PDE10A: variants seen among roughly 807,000 people sequenced by gnomAD.
The protein encoded by PDE10A is phosphodiesterase 10A.
A neutral mutation model predicts 97.7 loss-of-function variants in PDE10A; 39 were observed. The observed-to-expected ratio is 0.40, with a 90% CI of 0.31 to 0.52. The LOEUF is 0.52. Among genes scored for constraint, PDE10A ranks in the 20% least tolerant of loss-of-function variants. The pLI, the probability that PDE10A is intolerant of heterozygous loss-of-function variation, is 0.56. For missense variants in PDE10A, 731 were observed against 1,047.8 expected (o/e 0.70, Z 4.17); for synonymous variants, 371 against 376.8 (o/e 0.98, Z 0.18).
At chr6:165,456,241 G>A (rs931678512) in intron 3 of PDE10A, among the ~76,000 whole-genome samples, 2 of 152,178 alleles carry the variant, frequency 1.3e-5, no homozygotes, top group African/African-American at 4.8e-5. Flanking sequence ...AAACAATAGT[G>A]AGAGACCTAA....
At chr6:165,974,522 A>G (rs1252387424) in intron 1 of PDE10A, among the ~76,000 whole-genome samples, 1 of 152,246 alleles carries the variant, frequency 6.6e-6, no homozygotes, top group Non-Finnish European at 1.5e-5. Flanking sequence ...ACACAAAGAC[A>G]TAGTGGAGAA....
intron 3 of PDE10A, among the ~76,000 whole-genome samples, chr6:165,459,600 A>T (rs2128257284): frequency 6.6e-6 from 1 of 151,924 alleles, no homozygotes; most frequent in South Asian, 2.1e-4. Context: ...TATATAATAT[A>T]GATAATGATT....
intron 1 of PDE10A, among the ~76,000 whole-genome samples, chr6:165,906,390 C>T (rs1460192818): frequency 1.3e-5 from 2 of 151,846 alleles, no homozygotes; most frequent in African/African-American, 4.8e-5. Context: ...GGGACCTGTC[C>T]TAGGATCCAC....
intron 13 of PDE10A, among the ~76,000 whole-genome samples, chr6:165,410,028 T>C (rs1478469016): frequency 6.6e-6 from 1 of 152,080 alleles, no homozygotes; most frequent in Non-Finnish European, 1.5e-5. Flanking sequence ...CAACAATATT[T>C]CAAGGGATAC....
chr6:165,588,592 G>A (rs2128381911), intron 1 of PDE10A, among the ~76,000 whole-genome samples: 1 of 152,140 alleles, frequency 6.6e-6, no homozygotes, highest in Middle Eastern at 3.4e-3. Context: ...CCAGCCTAAA[G>A]TTAGCTTTAT....
chr6:165,908,036 G>A (rs1384008088), intron 1 of PDE10A, among the ~76,000 whole-genome samples: 1 of 152,264 alleles, frequency 6.6e-6, no homozygotes, highest in Non-Finnish European at 1.5e-5. Context: ...GTCAGGAACT[G>A]AGGAATATGT....
chr6:165,418,489 T>C lies in PDE10A; in HGVS notation c.1796+146A>G, dbSNP rs1290584031. On this transcript the variant is annotated intron_variant, in intron 11 of 21. Coordinates refer to ENST00000539869, the MANE Select transcript of PDE10A (RefSeq NM_001385079.1). This position sits in a 1 kb window ranked among gnomAD's most constrained non-coding sequence, Gnocchi z 4.8. ...CCTGCAATGTCATTCCCAGAAGTACTACCTTCAGGAGGCGGGTCCTGGTGG... is the reference window on the plus strand; with the variant it reads ...CCTGCAATGTCATTCCCAGAAGTACCACCTTCAGGAGGCGGGTCCTGGTGG... 1.4e-6 allele frequency: 1 copy of C among 691,374 alleles called. No individual in the cohort carries two copies. The highest frequency in any genetic ancestry group is 2.4e-6 in the Non-Finnish European group (1 of 423,422). 42.8% of individuals were successfully genotyped at this position (691,374 alleles called of 1,614,324 possible).
rs184804229 is a variant in PDE10A, at chr6:165,710,730, C to T, written c.-614-167162G>A. ...CCTTGCTTGTGAGTAAGGGTGTTAC[C>T]GTCATTGTAATGTTAAATGACTAAT... On this transcript the variant is annotated intron_variant, in intron 1 of 19. Coordinates refer to the PDE10A transcript ENST00000366882. Among the ~76,000 whole-genome samples, 136 of 152,154 alleles carry T rather than the reference C, an allele frequency of 8.9e-4. 1 individual carries two copies. Among genetic ancestry groups the T allele is most frequent in the Non-Finnish European group, 1.5e-3 (99 of 68,016 alleles).
At chr6:165,470,526 C>T (rs1309232169) in intron 3 of PDE10A, among the ~76,000 whole-genome samples, 1 of 152,160 alleles carries the variant, frequency 6.6e-6, no homozygotes, top group Non-Finnish European at 1.5e-5. Context: ...TTGGTTTATA[C>T]TTCACCTGAT....
intron 1 of PDE10A, among the ~76,000 whole-genome samples, chr6:165,673,901 A>G (rs1204731253): frequency 6.6e-6 from 1 of 152,236 alleles, no homozygotes; most frequent in Non-Finnish European, 1.5e-5. Flanking sequence ...AATAATAAAG[A>G]ATATTATCAG....
chr6:165,751,674 C>T (rs3008009), intron 1 of PDE10A, among the ~76,000 whole-genome samples: 1,852 of 152,232 alleles, frequency 0.012, 34 homozygotes, highest in African/African-American at 0.043. Flanking sequence ...ACGATAAAAG[C>T]GATCCCTCGC....
intron 1 of PDE10A, among the ~76,000 whole-genome samples, chr6:165,846,946 A>G (rs188187106): frequency 6.6e-6 from 1 of 152,302 alleles, no homozygotes; most frequent in East Asian, 1.9e-4. Context: ...AGATTTTCCA[A>G]CTAGGTACAG....
intron 21 of PDE10A, among the ~76,000 whole-genome samples, chr6:165,334,025 A>G (rs1562356292): frequency 6.6e-6 from 1 of 152,282 alleles, no homozygotes; most frequent in Non-Finnish European, 1.5e-5. Flanking sequence ...AACTTTTGTA[A>G]CATATCATCA....
intron 1 of PDE10A, among the ~76,000 whole-genome samples, chr6:165,883,688 G>T (rs562535396): frequency 6.6e-5 from 10 of 152,152 alleles, no homozygotes; most frequent in African/African-American, 2.4e-4. Context: ...TGGCAGAGGC[G>T]GGCTTGCTGG....
Position 165,960,664 on chromosome 6 carries a change from G to A in PDE10A, c.-615+26865C>T, listed in dbSNP as rs184149673. Among the ~76,000 whole-genome samples, 111 of 152,320 alleles carry A rather than the reference G, an allele frequency of 7.3e-4. No individual in the cohort carries two copies. In the Middle Eastern group the frequency reaches 0.01, roughly 14 times the overall value. Reference sequence around the variant, plus strand: ...GTCAGCAGTTAGCGCAGATCTGTACGGCAAGGGACGTGAGTTAGTAACTTG... The same window carrying A: ...GTCAGCAGTTAGCGCAGATCTGTACAGCAAGGGACGTGAGTTAGTAACTTG... On this transcript the variant is annotated intron_variant, in intron 1 of 19. Coordinates refer to the PDE10A transcript ENST00000366882.
chr6:165,374,844 T>G (rs568514587), intron 18 of PDE10A, among the ~76,000 whole-genome samples: 5 of 152,212 alleles, frequency 3.3e-5, no homozygotes, highest in Admixed American at 3.3e-4. Context: ...GTGCTTACTT[T>G]GATTCTCTGT....
intron 2 of PDE10A, among the ~76,000 whole-genome samples, chr6:165,512,734 G>T (rs67220870): frequency 0.24 from 35,746 of 151,878 alleles, 4,792 homozygotes; most frequent in African/African-American, 0.38. Flanking sequence ...TGTATGTTAA[G>T]TATAACCTTT....
chr6:165,569,836 G>T (rs902613701), intron 1 of PDE10A, among the ~76,000 whole-genome samples: 2 of 152,110 alleles, frequency 1.3e-5, no homozygotes, highest in African/African-American at 4.8e-5. Context: ...TATGTTCTTT[G>T]CTGTTAAGAG....
Position 165,398,633 on chromosome 6 carries a change from A to G in PDE10A, c.2077-2174T>C, listed in dbSNP as rs139807371. On this transcript the variant is annotated intron_variant, in intron 13 of 21. Coordinates refer to ENST00000539869, the MANE Select transcript of PDE10A (RefSeq NM_001385079.1). ...TTATGTCAATCAGTTGACCCTGCAA[A>G]CTAATCAGCCACATTTTTATATATT... Among the ~76,000 whole-genome samples the G allele has an allele frequency of 1.1e-3, 170 of 152,326 alleles. 1 individual carries two copies. The highest frequency in any genetic ancestry group is 3.8e-3 in the African/African-American group (160 of 41,580).
Sources: allele counts gnomAD v4.1 joint callset (sites outside exome capture counted in the v4.1 genomes callset), GRCh38; gene constraint gnomAD v4.1.1; non-coding constraint Gnocchi (gnomAD v3.1); transcripts MANE v1.5; gene names NCBI Gene and HGNC (gene_info 2026-07-23, HGNC 2026-07-21).